Variants in SCN1A observed in about 807,000 individuals in gnomAD.
SCN1A encodes the protein sodium channel protein type 1 subunit alpha.
In SCN1A, 13 loss-of-function variants were observed where a neutral mutation model predicts 193.7. That is an observed-to-expected ratio of 0.07 (90% CI 0.04 to 0.11). The LOEUF is 0.11. Ranked by LOEUF, SCN1A falls within the 10% of genes least tolerant of loss-of-function variation. The pLI is 1.00. For missense variants in SCN1A, 1,432 were observed against 2,451.1 expected (o/e 0.58, Z 8.78); for synonymous variants, 781 against 843.6 (o/e 0.93, Z 1.29).
chr2:166,083,676 C>T (rs1223050269), intron 2 of SCN1A, among the ~76,000 whole-genome samples: 2 of 151,860 alleles, frequency 1.3e-5, no homozygotes, highest in Non-Finnish European at 2.9e-5. Context: ...CATTTTTTTC[C>T]TTACAGAGAA....
At chr2:166,127,333 G>A (rs1371160038) in intron 1 of SCN1A, among the ~76,000 whole-genome samples, 3 of 152,130 alleles carry the variant, frequency 2.0e-5, no homozygotes. Flanking sequence ...TCTTCCTGTG[G>A]AGTTAAAACT....
intron 19 of SCN1A, among the ~76,000 whole-genome samples, chr2:166,022,955 A>G (rs1694254894): frequency 6.6e-6 from 1 of 152,160 alleles, no homozygotes; most frequent in African/African-American, 2.4e-5. Context: ...CAATATTCAG[A>G]TTGGTAAAGT....
At chr2:166,018,703 G>T (rs565661810) in intron 19 of SCN1A, among the ~76,000 whole-genome samples, 1 of 151,992 alleles carries the variant, frequency 6.6e-6, no homozygotes, top group Non-Finnish European at 1.5e-5. Context: ...TAATGATGAT[G>T]TAACACAATA....
At chr2:166,009,943 AG>A (rs1692201180) in intron 22 of SCN1A, 102 bp from the exon 23 acceptor site, 1 of 1,125,280 alleles carries the variant, frequency 8.9e-7, no homozygotes. Flanking sequence ...AATTATTCAG[AG>A]GATAAATGTT....
At chr2:166,046,191 A>G (rs1472427721) in intron 12 of SCN1A, among the ~76,000 whole-genome samples, 1 of 152,202 alleles carries the variant, frequency 6.6e-6, no homozygotes, top group East Asian at 1.9e-4. Context: ...ATGATTTATC[A>G]CACTGTGAGG....
intron 2 of SCN1A, among the ~76,000 whole-genome samples, chr2:166,118,468 G>T (rs1362418726): frequency 6.6e-6 from 1 of 151,470 alleles, no homozygotes; most frequent in African/African-American, 2.4e-5. Context: ...CCCTTTAAAG[G>T]CCTTAAATAT....
Position 166,029,201 on chromosome 2 carries a change from G to A in SCN1A, c.3429+6847C>T, listed in dbSNP as rs140904772. ...TGTTAAGTAGTATAGACTCCATACT[G>A]TGAGCAATGGGCAACTCCTGAAAGG... is the stretch of plus-strand genomic sequence containing the variant. On this transcript the variant is annotated intron_variant, in intron 19 of 28. Coordinates refer to ENST00000674923, the MANE Select transcript of SCN1A (RefSeq NM_001165963.4). 3.8e-3 allele frequency among the ~76,000 whole-genome samples: 577 copies of A among 152,218 alleles called. 5 individuals carry two copies. The highest frequency in any genetic ancestry group is 0.013 in the African/African-American group (531 of 41,530).
At chr2:166,137,945 A>G (rs181638407) in intron 1 of SCN1A, among the ~76,000 whole-genome samples, 1 of 152,296 alleles carries the variant, frequency 6.6e-6, no homozygotes, top group South Asian at 2.1e-4. Context: ...TCAGATGGAG[A>G]TGAATAACTT....
At chr2:166,139,694 A>G (rs1176731396) in intron 1 of SCN1A, among the ~76,000 whole-genome samples, 1 of 152,228 alleles carries the variant, frequency 6.6e-6, no homozygotes, top group Non-Finnish European at 1.5e-5. Context: ...ACATGGCAGC[A>G]GGCAAGAGAG....
chr2:166,109,045 AAGG>A (rs1689010704), intron 2 of SCN1A, among the ~76,000 whole-genome samples: 1 of 152,166 alleles, frequency 6.6e-6, no homozygotes, highest in Non-Finnish European at 1.5e-5. Flanking sequence ...ATAGGATTTC[AAGG>A]AGTTTAGAAC....
intron 2 of SCN1A, among the ~76,000 whole-genome samples, chr2:166,110,178 AAT>A (rs972035666): frequency 4.6e-5 from 7 of 152,058 alleles, no homozygotes; most frequent in African/African-American, 1.7e-4. Flanking sequence ...AAATAAAAAA[AAT>A]TTTTTTTTAA....
intron 2 of SCN1A, among the ~76,000 whole-genome samples, chr2:166,082,610 T>C (rs1685655217): frequency 6.6e-6 from 1 of 152,070 alleles, no homozygotes; most frequent in African/African-American, 2.4e-5. Flanking sequence ...TAGAATCATA[T>C]GATGCAGGTT....
intron 2 of SCN1A, among the ~76,000 whole-genome samples, chr2:166,100,144 G>A (rs1334480685): frequency 7.2e-6 from 1 of 138,896 alleles, no homozygotes; most frequent in Non-Finnish European, 1.6e-5. Context: ...CAAACAGCAT[G>A]GTACTGGTAC....
In SCN1A at chr2:166,046,818, T is replaced by C. The variant is rs1553546728; in HGVS notation, c.1329A>G (p.Glu443=). The change falls in exon 12 of 29, where the codon GAA becomes GAG. Residue 443 remains glutamate, a synonymous_variant. Coordinates refer to ENST00000674923, the MANE Select transcript of SCN1A (RefSeq NM_001165963.4). ...TAAGCTGTTCAATCATCTGCTGAAA[T>C]TCGGCCTCTTTCTGTTCTGCTTCTT... is the stretch of plus-strand genomic sequence containing the variant. The part of the protein sequence containing the change: ...TLEEAEQKEA[E]FQQMIEQLKK... The C allele has an allele frequency of 3.1e-6, 5 of 1,613,880 alleles. No homozygotes were observed. Among genetic ancestry groups the C allele is most frequent in the Non-Finnish European group, 4.2e-6 (5 of 1,179,814 alleles).
chr2:166,123,214 A>T (rs1276058129), intron 2 of SCN1A, among the ~76,000 whole-genome samples: 1 of 109,924 alleles, frequency 9.1e-6, no homozygotes, highest in Non-Finnish European at 1.8e-5. Context: ...ATTCCTACTC[A>T]TTCATTTGCA....
rs1689293510 is a variant in SCN1A, at chr2:165,992,145, A to G, written c.5130T>C (p.Phe1710=). The G allele has an allele frequency of 1.2e-6, 2 of 1,613,920 alleles. No homozygotes were observed. The highest frequency in any genetic ancestry group is 1.3e-5 in the African/African-American group (1 of 74,996). ...GGAATAGGCAGATCATGCTGTTGCC[A>G]AAGGTCTCAAAGTTGAACATGTCAT... The part of the protein sequence containing the change: ...GIDDMFNFET[F]GNSMICLFQI... Residue 1710 remains phenylalanine, a synonymous_variant, in exon 29 of 29, where the codon TTT becomes TTC. Transcript: ENST00000674923. This position sits in a 1 kb window ranked among gnomAD's most constrained non-coding sequence, Gnocchi z 6.5.
At chr2:166,017,507 G>T (rs532854978) in intron 19 of SCN1A, among the ~76,000 whole-genome samples, 1 of 152,052 alleles carries the variant, frequency 6.6e-6, no homozygotes, top group South Asian at 2.1e-4. Context: ...TCATTTGGCC[G>T]TAAAGTGATA....
chr2:166,147,654 C>A (rs1043876861), intron 1 of SCN1A, among the ~76,000 whole-genome samples: 2 of 152,068 alleles, frequency 1.3e-5, no homozygotes, highest in Admixed American at 1.3e-4. Context: ...CAAGCTATGT[C>A]TAGGGAAAAT....
At chr2:166,038,243 G>A in intron 17 of SCN1A, 111 bp from the exon 18 acceptor site, 1 of 869,134 alleles carries the variant, frequency 1.2e-6, no homozygotes, top group Admixed American at 2.8e-5. Context: ...TATCTGATCT[G>A]CCCTAACCGT....
Sources: allele counts gnomAD v4.1 joint callset (sites outside exome capture counted in the v4.1 genomes callset), GRCh38; gene constraint gnomAD v4.1.1; non-coding constraint Gnocchi (gnomAD v3.1); transcripts MANE v1.5; gene names NCBI Gene and HGNC (gene_info 2026-07-23, HGNC 2026-07-21).